The following ZNF552 variants were observed in gnomAD, a reference collection of about 807,000 sequenced individuals.
ZNF552 encodes zinc finger protein 552.
A neutral mutation model predicts 7.2 loss-of-function variants in ZNF552; 2 were observed. The observed-to-expected ratio is 0.28, with a 90% CI of 0.11 to 0.88. ZNF552 has a LOEUF of 0.88. Ranked by LOEUF, ZNF552 falls within the 40% of genes least tolerant of loss-of-function variation. ZNF552 has a pLI of 0.60. For missense variants in ZNF552, 421 were observed against 493.4 expected, an observed-to-expected ratio of 0.85 and a Z score of 1.39; for synonymous variants, 173 against 176.5, an observed-to-expected ratio of 0.98 and a Z score of 0.16.
At chr19:57,814,558 C>A (rs916728177) in intron 1 of ZNF552, 153 bp downstream of exon 1, 2 of 1,548,090 alleles carry the variant, frequency 1.3e-6, no homozygotes, top group Admixed American at 2.0e-5. Context: ...CCGCATCCCA[C>A]GGGTGTCTGA....
chr19:57,808,828 G>T lies in ZNF552; in HGVS notation c.436C>A (p.Pro146Thr), dbSNP rs555709821. The stretch of plus-strand genomic sequence containing the variant: ...GCCTCCTCAACACTCCCTCTGTAGG[G>T]TTTCTCTCCAATGTGCTCATTCTGG... ...QHQNEHIGEK[P>T]YRGSVEEALF... The change falls in exon 3 of 3, where the codon CCC (proline) becomes ACC (threonine). Residue 146 changes from proline (P) to threonine (T), a missense_variant. Pro to Thr is a conservative substitution (Grantham distance 38, BLOSUM62 -1). Transcript: ENST00000391701. 1 of 1,613,964 alleles carries T rather than the reference G, an allele frequency of 6.2e-7. No homozygotes were observed. Among genetic ancestry groups the T allele is most frequent in the Admixed American group, 1.7e-5 (1 of 60,012 alleles).
chr19:57,813,092 A>T (rs903287987), intron 2 of ZNF552: 1 of 808,370 alleles, frequency 1.2e-6, no homozygotes, highest in African/African-American at 1.7e-5. Flanking sequence ...CTGACTCTGA[A>T]TTCTTCCCTG....
intron 2 of ZNF552, among the ~76,000 whole-genome samples, chr19:57,811,786 T>G (rs937591669): frequency 1.4e-5 from 2 of 146,944 alleles, no homozygotes; most frequent in African/African-American, 2.5e-5. Flanking sequence ...ATCCCAGCAC[T>G]GTGGGAGGCA....
At chr19:57,812,761 G>A (rs1230114594) in intron 2 of ZNF552, among the ~76,000 whole-genome samples, 1 of 152,092 alleles carries the variant, frequency 6.6e-6, no homozygotes, top group East Asian at 1.9e-4. Context: ...TAGAGATGGG[G>A]TTTCACCATG....
chr19:57,809,187 A>C lies in ZNF552; in HGVS notation c.161-84T>G, dbSNP rs1312769661. The C allele has an allele frequency of 1.9e-6, 3 of 1,606,682 alleles. No homozygotes were observed. In the African/African-American group the frequency reaches 4.0e-5, roughly 21 times the overall value. ...ACCCACAAGTGTATCTGAAAAACTG[A>C]GGAATTACTCCAAGGAAGTACTTGG... On this transcript the variant is annotated intron_variant, in intron 2 of 2. Transcript: ENST00000391701.
At chr19:57,812,959 G>A in intron 2 of ZNF552, 1 of 364,030 alleles carries the variant, frequency 2.7e-6, no homozygotes, top group South Asian at 5.2e-5. Flanking sequence ...TCCTGGCACA[G>A]GGAGGCATGA....
At position 57,812,140 on chromosome 19, in the gene ZNF552, G is replaced by A. The variant is rs565270133; in HGVS notation, c.160+1154C>T. On this transcript the variant is annotated intron_variant, in intron 2 of 2. Coordinates refer to ENST00000391701, the MANE Select transcript of ZNF552 (RefSeq NM_024762.3). ...TGCTTCAGCCCAGGAGGCAGAGGTT[G>A]CAGTGAGCAGAGATCAAGCTACTGC... is the stretch of plus-strand genomic sequence containing the variant. Among the ~76,000 whole-genome samples, 9 of 151,920 alleles carry A rather than the reference G, an allele frequency of 5.9e-5. No homozygotes were observed. In the East Asian group the frequency reaches 7.8e-4, roughly 13 times the overall value.
At position 57,808,696 on chromosome 19, in the gene ZNF552, T is replaced by C. The variant is rs747056487; in HGVS notation, c.568A>G (p.Thr190Ala). 1.2e-6 allele frequency: 2 copies of C among 1,614,178 alleles called. No individual in the cohort carries two copies. The highest frequency in any genetic ancestry group is 1.1e-5 in the South Asian group (1 of 91,084). Residue 190 changes from threonine (T) to alanine (A), a missense_variant, in exon 3 of 3, where the codon ACT becomes GCT. Physicochemically the swap from Thr to Ala is moderately conservative, Grantham distance 58. Coordinates refer to ENST00000391701, the MANE Select transcript of ZNF552 (RefSeq NM_024762.3). ...LRSGLLQQEA[T>A]HTGKSNSKTE... ...TTGCTGTTTGACTTCCCAGTGTGAG[T>C]GGCCTCTTGCTGGAGTAATCCTGAC...
chr19:57,809,699 C>T (rs971799264), intron 2 of ZNF552, among the ~76,000 whole-genome samples: 1 of 151,840 alleles, frequency 6.6e-6, no homozygotes, highest in South Asian at 2.1e-4. Context: ...TTCTGAGGTT[C>T]TTAACAATGG....
At position 57,808,772 on chromosome 19, in the gene ZNF552, C is replaced by T. The variant is rs1987795484; in HGVS notation, c.492G>A (p.Val164=). The change falls in exon 3 of 3, where the codon GTG becomes GTA. Residue 164 remains valine, a synonymous_variant. Transcript: ENST00000391701. ...CACTGAAGACAGATGACTCCCCTGA[C>T]ACATGCAACTTACACCTCTTCGCAA... ...ALFAKRCKLH[V]SGESSVFSES... The T allele has an allele frequency of 1.2e-6, 2 of 1,614,190 alleles. No individual in the cohort carries two copies. The highest frequency in any genetic ancestry group is 1.3e-5 in the African/African-American group (1 of 75,030).
intron 2 of ZNF552, among the ~76,000 whole-genome samples, chr19:57,812,890 C>T (rs532647756): frequency 2.4e-4 from 36 of 152,216 alleles, no homozygotes; most frequent in Admixed American, 1.1e-3. Flanking sequence ...TTTCTAAGGA[C>T]GGTATTACAA....
rs531058551 is a variant in ZNF552, at chr19:57,812,590, A to T, written c.160+704T>A. Among the ~76,000 whole-genome samples the T allele has an allele frequency of 2.6e-5, 4 of 152,340 alleles. No individual in the cohort carries two copies. The East Asian group carries it at 5.8e-4, about 22-fold the overall frequency. On this transcript the variant is annotated intron_variant, in intron 2 of 2. Coordinates refer to ENST00000391701, the MANE Select transcript of ZNF552 (RefSeq NM_024762.3). The stretch of plus-strand genomic sequence containing the variant: ...ACAAAAAGAATTTCTGTTTTTTGAG[A>T]CGGAGTCTTGCTCTGTTGCTCAGGC...
rs1441486780 is a variant in ZNF552 at position 57,814,735 on chromosome 19, C to T, written c.9G>A (p.Ala3=). The change falls in exon 1 of 3, where the codon GCG becomes GCA. Residue 3 remains alanine (A), a synonymous_variant. Transcript: ENST00000391701. ...CCTGAACGGGGAACCTTAGCGCGGC[C>T]GCCGCCATGGGACCACGTGGGGTAA... MA[A]AALRFPVQGT... The T allele has an allele frequency of 2.5e-6, 4 of 1,613,940 alleles. No homozygotes were observed. Among genetic ancestry groups the T allele is most frequent in the Non-Finnish European group, 2.5e-6 (3 of 1,179,978 alleles).
In ZNF552 at chr19:57,814,578, C is replaced by T. The variant is rs766082030; in HGVS notation, c.33+133G>A. 1.9e-5 allele frequency: 30 copies of T among 1,562,942 alleles called. No individual in the cohort carries two copies. The South Asian group carries it at 3.4e-4, about 18-fold the overall frequency. ...TCCCACGGGTGTCTGAAACAGGGAT[C>T]CCTCCCGAGAGCGCCTCAGTGTCCC... On this transcript the variant is annotated intron_variant, in intron 1 of 2. Coordinates refer to ENST00000391701, the MANE Select transcript of ZNF552 (RefSeq NM_024762.3).
At chr19:57,811,788 T>C (rs1387625747) in intron 2 of ZNF552, among the ~76,000 whole-genome samples, 2 of 144,896 alleles carry the variant, frequency 1.4e-5, no homozygotes, top group African/African-American at 5.1e-5. Context: ...CCCAGCACTG[T>C]GGGAGGCAAA....
At position 57,814,817 on chromosome 19, in the gene ZNF552, G is replaced by T; in HGVS notation, c.-74C>A. ...AGCTGCAGAGTCACGTCTGTGCAAA[G>T]AGAAGAACGACTCTCGACCTCCTGG... On this transcript the variant is annotated 5_prime_UTR_variant, in exon 1 of 3. Coordinates refer to ENST00000391701, the MANE Select transcript of ZNF552 (RefSeq NM_024762.3). 6.8e-7 allele frequency: 1 copy of T among 1,466,476 alleles called. No individual in the cohort carries two copies. Among genetic ancestry groups the T allele is most frequent in the Non-Finnish European group, 9.4e-7 (1 of 1,068,240 alleles). The allele number at this position is 1,466,476 out of a possible 1,614,324, so 90.8% of individuals were successfully genotyped here.
intron 1 of ZNF552, among the ~76,000 whole-genome samples, chr19:57,814,185 C>A (rs1474654472): frequency 1.3e-5 from 2 of 152,122 alleles, no homozygotes; most frequent in Non-Finnish European, 2.9e-5. Flanking sequence ...GCCAGGTGAC[C>A]TTGGACTATT....
At chr19:57,810,708 G>C (rs373205955) in intron 2 of ZNF552, among the ~76,000 whole-genome samples, 1 of 152,122 alleles carries the variant, frequency 6.6e-6, no homozygotes, top group Non-Finnish European at 1.5e-5. Context: ...CTGACAGCCC[G>C]ACGCCAGTAA....
At position 57,808,640 on chromosome 19, in the gene ZNF552, T is replaced by C. The variant is rs764162166; in HGVS notation, c.624A>G (p.Gly208=). 5.0e-6 allele frequency: 8 copies of C among 1,614,148 alleles called. No homozygotes were observed. Among genetic ancestry groups the C allele is most frequent in the East Asian group, 4.5e-5 (2 of 44,880 alleles). ...KTECVSLFHG[G]KSHYSCGGCM... is the part of the protein sequence containing the mutation. ...ATCCTCCACAGCTGTAATGGCTTTT[T>C]CCCCCATGAAACAGAGACACACACT... is the stretch of plus-strand genomic sequence containing the variant. Residue 208 remains glycine, a synonymous_variant, in exon 3 of 3, where the codon GGA becomes GGG. Transcript: ENST00000391701.
Sources: allele counts gnomAD v4.1 joint callset (sites outside exome capture counted in the v4.1 genomes callset), GRCh38; gene constraint gnomAD v4.1.1; transcripts MANE v1.5; gene names NCBI Gene and HGNC (gene_info 2026-07-23, HGNC 2026-07-21).